GUCY2F: variants seen among roughly 807,000 people sequenced by gnomAD.
GUCY2F encodes the protein guanylate cyclase 2F, retinal.
GUCY2F carries 61 observed loss-of-function variants against 73.1 expected under a neutral mutation model. The ratio of observed to expected loss-of-function variants is 0.83; its 90% CI spans 0.68 to 1.03. The LOEUF (loss-of-function observed/expected upper bound fraction) is 1.03. GUCY2F is among the 50% of genes least tolerant of loss of function. The pLI, the probability that GUCY2F is intolerant of heterozygous loss-of-function variation, is 0.00. For synonymous variants in GUCY2F, 331 were observed against 307.8 expected, an observed-to-expected ratio of 1.08 and a Z score of -0.79; for missense variants, 912 against 854.3, an observed-to-expected ratio of 1.07 and a Z score of -0.84.
At chrX:109,440,753 T>TCTTA (rs779973140) in intron 7 of GUCY2F, among the ~76,000 whole-genome samples, 5 of 112,276 alleles carry the variant, frequency 4.5e-5, no homozygotes, top group African/African-American at 1.6e-4. Context: ...AATTCTAGTA[T>TCTTA]CTTAGATCAG....
chrX:109,385,518 A>G (rs1401238885), intron 15 of GUCY2F, among the ~76,000 whole-genome samples: 1 of 112,259 alleles, frequency 8.9e-6, no homozygotes, highest in East Asian at 2.8e-4. Flanking sequence ...GTTCCACGTA[A>G]CAGTTACACC....
At position 109,398,632 on chromosome X, in the gene GUCY2F, C is replaced by T. The variant is rs1219270273; in HGVS notation, c.2192G>A (p.Gly731Glu). Residue 731 changes from glycine (G) to glutamate (E), a missense_variant, in exon 11 of 20, where the codon GGA (glycine) becomes GAA (glutamate). By Grantham distance (98) the Gly-to-Glu change is moderately conservative. Transcript: ENST00000218006. ...GATGATGGCAAAGCTATAGACATCTCCTGCAAAAGAACCTAACCTGCTGCC... is the reference window on the plus strand; with the variant it reads ...GATGATGGCAAAGCTATAGACATCTTCTGCAAAAGAACCTAACCTGCTGCC... ...PRGSRLGSFA[G>E]DVYSFAIIMQ... The T allele has an allele frequency of 3.3e-6, 4 of 1,206,808 alleles. No individual in the cohort carries two copies. The Admixed American group carries it at 6.6e-5, about 20-fold the overall frequency.
chrX:109,431,801 T>C (rs1447567441), intron 7 of GUCY2F, among the ~76,000 whole-genome samples: 2 of 109,588 alleles, frequency 1.8e-5, no homozygotes, highest in Non-Finnish European at 3.8e-5. Flanking sequence ...TAATGGAAGC[T>C]GCAGGCTTCC....
chrX:109,416,554 C>A (rs1416394217), intron 8 of GUCY2F, among the ~76,000 whole-genome samples: 1 of 110,761 alleles, frequency 9.0e-6, no homozygotes, highest in Non-Finnish European at 1.9e-5. Flanking sequence ...ACATAGGTAA[C>A]TTGAGTTCTA....
intron 3 of GUCY2F, among the ~76,000 whole-genome samples, chrX:109,457,575 A>G (rs1471502725): frequency 8.9e-6 from 1 of 111,820 alleles, no homozygotes; most frequent in East Asian, 2.8e-4. Context: ...TGTGATGCAC[A>G]TCAACACAAA....
chrX:109,414,668 A>C (rs926316718), intron 8 of GUCY2F, among the ~76,000 whole-genome samples: 1 of 112,245 alleles, frequency 8.9e-6, no homozygotes, highest in Non-Finnish European at 1.9e-5. Context: ...AGAGTTACAT[A>C]ATGTGAGTAT....
chrX:109,436,685 A>G (rs1931753526), intron 7 of GUCY2F, among the ~76,000 whole-genome samples: 1 of 110,504 alleles, frequency 9.0e-6, no homozygotes, highest in South Asian at 3.9e-4. Context: ...TATCGCAAGG[A>G]CAAAAAACCA....
intron 6 of GUCY2F, among the ~76,000 whole-genome samples, chrX:109,445,262 T>A (rs2267980): frequency 0.058 from 6,491 of 111,991 alleles, 430 homozygotes; most frequent in African/African-American, 0.19. Flanking sequence ...TCACTAGTTG[T>A]TTAATTCACC....
intron 2 of GUCY2F, among the ~76,000 whole-genome samples, chrX:109,473,120 T>C (rs980420386): frequency 9.0e-6 from 1 of 111,626 alleles, no homozygotes; most frequent in Non-Finnish European, 1.9e-5. Context: ...AATCTGCCTA[T>C]GTTTTGTCAA....
At chrX:109,392,659 T>G (rs956985932) in intron 13 of GUCY2F, among the ~76,000 whole-genome samples, 4 of 111,929 alleles carry the variant, frequency 3.6e-5, no homozygotes, top group Non-Finnish European at 7.5e-5. Context: ...GCACAAAAAC[T>G]TAAATGACCA....
chrX:109,453,092 G>A (rs1476539891), intron 4 of GUCY2F, among the ~76,000 whole-genome samples: 1 of 111,720 alleles, frequency 9.0e-6, no homozygotes. Context: ...GAGAGTATAG[G>A]TACGGTATTT....
intron 7 of GUCY2F, among the ~76,000 whole-genome samples, chrX:109,432,445 G>A (rs1233736225): frequency 1.8e-5 from 2 of 111,721 alleles, no homozygotes; most frequent in African/African-American, 6.5e-5. Context: ...AACTCTAACC[G>A]AAAATTTATG....
chrX:109,466,226 T>A (rs1197270209), intron 2 of GUCY2F, among the ~76,000 whole-genome samples: 1 of 111,580 alleles, frequency 9.0e-6, no homozygotes, highest in African/African-American at 3.3e-5. Flanking sequence ...CTGTTGAGCA[T>A]CCCTAATCCA....
chrX:109,432,801 C>T (rs189144500), intron 7 of GUCY2F, among the ~76,000 whole-genome samples: 1 of 112,193 alleles, frequency 8.9e-6, no homozygotes, highest in East Asian at 2.8e-4. Context: ...TCCTTGTCAC[C>T]TTTGGAGTCA....
At chrX:109,448,712 A>G (rs142424124) in intron 5 of GUCY2F, among the ~76,000 whole-genome samples, 1,427 of 112,208 alleles carry the variant, frequency 0.013, 20 homozygotes, top group East Asian at 0.057. Context: ...TTCTGCCCAT[A>G]AGACACTTGT....
chrX:109,420,313 G>A, intron 8 of GUCY2F, among the ~76,000 whole-genome samples: 1 of 96,949 alleles, frequency 1.0e-5, no homozygotes, highest in African/African-American at 3.8e-5. Context: ...GAGAAAGAAA[G>A]AAGAAAGAAA....
chrX:109,431,994 T>C (rs1931628189), intron 7 of GUCY2F, among the ~76,000 whole-genome samples: 1 of 110,721 alleles, frequency 9.0e-6, no homozygotes, highest in Non-Finnish European at 1.9e-5. Flanking sequence ...AGTGCCTGCC[T>C]GCAGCAGAAT....
intron 3 of GUCY2F, among the ~76,000 whole-genome samples, chrX:109,458,413 T>C (rs1372057852): frequency 5.4e-5 from 6 of 111,672 alleles, no homozygotes; most frequent in Non-Finnish European, 1.1e-4. Context: ...AGGTGTTGTC[T>C]GAGGATCCCA....
rs762324165 is a variant in GUCY2F, at chrX:109,409,128, C to T, written c.1832G>A (p.Gly611Asp). The change falls in exon 9 of 20, where the codon GGT becomes GAT. Residue 611 changes from glycine (G) to aspartate (D), a missense_variant. Physicochemically the swap from Gly to Asp is moderately conservative, Grantham distance 94 (BLOSUM62 -1). Coordinates refer to ENST00000218006, the MANE Select transcript of GUCY2F (RefSeq NM_001522.3). Reference protein sequence around the residue: ...LRHENINPLLGFFYDSGMFAI... With the variant: ...LRHENINPLLDFFYDSGMFAI... Reference sequence around the variant, plus strand: ...AAACATCCCCGAATCATAGAAGAAACCCAATAAAGGGTTAATATTCTCATG... The same window carrying T: ...AAACATCCCCGAATCATAGAAGAAATCCAATAAAGGGTTAATATTCTCATG... The T allele has an allele frequency of 1.8e-6, 2 of 1,130,406 alleles. No homozygotes were observed. Among genetic ancestry groups the T allele is most frequent in the East Asian group, 3.0e-5 (1 of 33,418 alleles). 93.2% of individuals were successfully genotyped at this position (1,130,406 alleles called of 1,213,427 possible). A position where few individuals can be genotyped will look rare whatever the true frequency, so the allele number is the denominator to read the frequency against.
Sources: allele counts gnomAD v4.1 joint callset (sites outside exome capture counted in the v4.1 genomes callset), GRCh38; gene constraint gnomAD v4.1.1; transcripts MANE v1.5; gene names NCBI Gene and HGNC (gene_info 2026-07-23, HGNC 2026-07-21).